Variants in UBE2F observed in about 807,000 individuals in gnomAD.
UBE2F encodes the protein ubiquitin conjugating enzyme E2 F (putative), also known as NEDD8-conjugating enzyme UBE2F.
A neutral mutation model predicts 29.6 loss-of-function variants in UBE2F; 5 were observed. The ratio of observed to expected loss-of-function variants is 0.17; its 90% CI spans 0.09 to 0.36. The LOEUF is 0.36. UBE2F is among the 10% of genes least tolerant of loss of function. The probability of loss-of-function intolerance (pLI) is 1.00; values close to 1 mark genes in which losing one functional copy is unlikely to be tolerated. For missense variants in UBE2F, 141 were observed against 228.5 expected (o/e 0.62, Z 2.47); for synonymous variants, 66 against 81.8 (o/e 0.81, Z 1.04).
Position 237,999,820 on chromosome 2 carries a change from C to CTT in UBE2F, c.214+5032_214+5033dup, listed in dbSNP as rs3054481. ...AGATGTTAAGTATTTTGATGTTGTT[C>CTT]TTTTTTTTTTTTTTTTTTTTTTGAG... On this transcript the variant is annotated intron_variant, in intron 4 of 9. Transcript: ENST00000272930. Among the ~76,000 whole-genome samples the CTT allele has an allele frequency of 3.2e-3, 378 of 119,824 alleles. 7 individuals are homozygous for CTT. The highest frequency in any genetic ancestry group is 0.01 in the African/African-American group (329 of 31,640). The allele number at this position is 119,824 out of a possible 152,430, so 78.6% of individuals were successfully genotyped here.
chr2:238,008,344 T>C (rs1457400204), intron 4 of UBE2F, among the ~76,000 whole-genome samples: 1 of 152,206 alleles, frequency 6.6e-6, no homozygotes, highest in Non-Finnish European at 1.5e-5. Flanking sequence ...ATTTTAAGTA[T>C]AAACACAATT....
Position 237,967,862 on chromosome 2 carries a change from C to T in UBE2F, c.-17+730C>T, listed in dbSNP as rs371406919. Among the ~76,000 whole-genome samples, 107 of 152,164 alleles carry T rather than the reference C, an allele frequency of 7.0e-4. No individual in the cohort carries two copies. Among genetic ancestry groups the T allele is most frequent in the Non-Finnish European group, 1.4e-3 (92 of 68,024 alleles). ...TCATCTTGGGTGTGGCCTTCCCCTCCCTGGGCTCAGTTTCCTCATCTGTCA... is the reference window on the plus strand; with the variant it reads ...TCATCTTGGGTGTGGCCTTCCCCTCTCTGGGCTCAGTTTCCTCATCTGTCA... On this transcript the variant is annotated intron_variant, in intron 1 of 9. Coordinates refer to ENST00000272930, the MANE Select transcript of UBE2F (RefSeq NM_080678.3). The surrounding 1 kb of genome is among the most constrained non-coding windows in gnomAD (Gnocchi z 6.3).
At chr2:237,986,225 C>A (rs909029253) in intron 2 of UBE2F, 1 of 311,562 alleles carries the variant, frequency 3.2e-6, no homozygotes, top group Non-Finnish European at 6.2e-6. Flanking sequence ...TCCCGGCTTA[C>A]TGCAGCCTCG....
chr2:237,970,830 C>G (rs992817872), intron 1 of UBE2F, among the ~76,000 whole-genome samples: 1 of 152,200 alleles, frequency 6.6e-6, no homozygotes, highest in Non-Finnish European at 1.5e-5. Flanking sequence ...GCCTCAGCCT[C>G]CTGAGTAGCT....
At position 238,040,380 on chromosome 2, in the gene UBE2F, TAGAC is replaced by T. The variant is rs1287730610; in HGVS notation, c.508-905_508-902del. 2.0e-5 allele frequency among the ~76,000 whole-genome samples: 3 copies of T among 152,120 alleles called. No homozygotes were observed. The highest frequency in any genetic ancestry group is 4.4e-5 in the Non-Finnish European group (3 of 68,018). On this transcript the variant is annotated intron_variant, in intron 9 of 9. Coordinates refer to ENST00000272930, the MANE Select transcript of UBE2F (RefSeq NM_080678.3). The surrounding 1 kb of genome is among the most constrained non-coding windows in gnomAD (Gnocchi z 4.4). ...TCAGCAAACAGGTTAGACTGAGGCTTAGACAGGAGGACTGAGGCTTAGCTAAGGA... is the reference window on the plus strand; with the variant it reads ...TCAGCAAACAGGTTAGACTGAGGCTTAGGAGGACTGAGGCTTAGCTAAGGA...
intron 5 of UBE2F, among the ~76,000 whole-genome samples, chr2:238,019,640 C>CCACT (rs1377115671): frequency 7.4e-6 from 1 of 134,912 alleles, no homozygotes; most frequent in African/African-American, 2.8e-5. Flanking sequence ...TGCTGGGGAG[C>CCACT]CACTGTGCTC....
Position 238,035,838 on chromosome 2 carries a change from A to G in UBE2F, c.445-40A>G, listed in dbSNP as rs771095913. 6 of 1,530,196 alleles carry G rather than the reference A, an allele frequency of 3.9e-6. No homozygotes were observed. The South Asian group carries it at 5.7e-5, about 14-fold the overall frequency. 94.8% of individuals were successfully genotyped at this position (1,530,196 alleles called of 1,614,324 possible). On this transcript the variant is annotated intron_variant, in intron 8 of 9. Transcript: ENST00000272930. ...ATGAAGACTTTAACAGCAGAAAAGC[A>G]GTTCTCCCAATGTTTACTTTAAGTT...
chr2:238,016,641 G>A lies in UBE2F; in HGVS notation c.282+8G>A, dbSNP rs368755507. On this transcript the variant is annotated splice_region_variant and intron_variant, in intron 5 of 9. Coordinates refer to ENST00000272930, the MANE Select transcript of UBE2F (RefSeq NM_080678.3). ...GATGCGTACAACATGGTGGTGAGTAGCCTGCGTTGAGCCTGTTGTTTTACT... is the reference window on the plus strand; with the variant it reads ...GATGCGTACAACATGGTGGTGAGTAACCTGCGTTGAGCCTGTTGTTTTACT... 6.2e-7 allele frequency: 1 copy of A among 1,606,614 alleles called. No homozygotes were observed. The highest frequency in any genetic ancestry group is 1.3e-5 in the African/African-American group (1 of 74,462).
In UBE2F at chr2:237,972,957, T is replaced by C. The variant is rs563783642; in HGVS notation, c.-16-135T>C. On this transcript the variant is annotated intron_variant, in intron 1 of 9. Coordinates refer to ENST00000272930, the MANE Select transcript of UBE2F (RefSeq NM_080678.3). Reference sequence around the variant, plus strand: ...GTATTATGAAGGAATCCAATCTTATTAATGTGTACAAATTTTTTCCATAAC... The same window carrying C: ...GTATTATGAAGGAATCCAATCTTATCAATGTGTACAAATTTTTTCCATAAC... The C allele has an allele frequency of 2.6e-5, 23 of 874,018 alleles. No individual in the cohort carries two copies. In the East Asian group the frequency reaches 5.7e-4, roughly 22 times the overall value. 54.1% of individuals were successfully genotyped at this position (874,018 alleles called of 1,614,324 possible).
intron 9 of UBE2F, among the ~76,000 whole-genome samples, chr2:238,039,051 A>G (rs887776905): frequency 3.3e-5 from 5 of 152,206 alleles, no homozygotes; most frequent in South Asian, 2.1e-4. Context: ...CCTGGCCAAC[A>G]TGGTGAAACC....
chr2:237,969,282 G>A (rs1200559361), intron 1 of UBE2F, among the ~76,000 whole-genome samples: 2 of 151,896 alleles, frequency 1.3e-5, no homozygotes, highest in African/African-American at 4.8e-5. Context: ...GTATAAAAGC[G>A]TTAAGCGTAG....
intron 2 of UBE2F, among the ~76,000 whole-genome samples, chr2:237,979,265 G>A (rs894315884): frequency 6.6e-6 from 1 of 152,222 alleles, no homozygotes; most frequent in Non-Finnish European, 1.5e-5. Context: ...AGCTGGGGCA[G>A]TGGGAGGGTC....
chr2:238,005,029 C>T (rs2106367818), intron 4 of UBE2F, among the ~76,000 whole-genome samples: 1 of 152,226 alleles, frequency 6.6e-6, no homozygotes, highest in Admixed American at 6.5e-5. Context: ...TAGTGAGACC[C>T]ATTTTGGTCT....
chr2:238,025,120 T>C, intron 5 of UBE2F: 1 of 544,412 alleles, frequency 1.8e-6, no homozygotes, highest in East Asian at 3.1e-5. Context: ...ACGGGTAGAC[T>C]TTGCTGCTGA....
At chr2:238,016,697 C>T (rs888697838) in intron 5 of UBE2F, 64 bp downstream of exon 5, 26 of 1,429,350 alleles carry the variant, frequency 1.8e-5, no homozygotes, top group South Asian at 7.3e-5. Context: ...GGCTGTGGCC[C>T]GCCACTGGCA....
chr2:237,975,081 C>T (rs529990109), intron 2 of UBE2F, among the ~76,000 whole-genome samples: 3 of 151,708 alleles, frequency 2.0e-5, no homozygotes. Flanking sequence ...CTTACTTTAT[C>T]ACAGGTGTTT....
chr2:238,031,043 G>A (rs1379646719), intron 7 of UBE2F, among the ~76,000 whole-genome samples: 3 of 152,162 alleles, frequency 2.0e-5, no homozygotes, highest in Admixed American at 2.0e-4. Flanking sequence ...CTAACATCAG[G>A]CAGGGACCCT....
chr2:238,008,762 C>T (rs2063957205), intron 4 of UBE2F, among the ~76,000 whole-genome samples: 1 of 152,124 alleles, frequency 6.6e-6, no homozygotes, highest in Non-Finnish European at 1.5e-5. Context: ...TTTCCATTTC[C>T]CAGCTCAACC....
chr2:238,007,515 A>G (rs1576618644), intron 4 of UBE2F, among the ~76,000 whole-genome samples: 1 of 43,200 alleles, frequency 2.3e-5, no homozygotes, highest in African/African-American at 1.1e-4. Context: ...ATATGTATGT[A>G]TGTATTTTTT....
Sources: gnomAD v4.1 joint callset for allele counts (sites outside exome capture counted in the v4.1 genomes callset) on GRCh38, gnomAD v4.1.1 for gene constraint, Gnocchi (gnomAD v3.1) non-coding constraint, MANE v1.5 for transcripts, NCBI Gene and HGNC (gene_info 2026-07-23, HGNC 2026-07-21) for gene names.